The following ZNF608 variants were observed in gnomAD, a reference collection of about 807,000 sequenced individuals.
ZNF608 encodes the protein zinc finger protein 608.
Under a neutral mutation model 109.0 loss-of-function variants are expected in ZNF608, and 12 were observed. The observed-to-expected ratio is 0.11, with a 90% CI of 0.07 to 0.18. The LOEUF is 0.18. Ranked by LOEUF, ZNF608 falls within the 10% of genes least tolerant of loss-of-function variation. The pLI, the probability that ZNF608 is intolerant of heterozygous loss-of-function variation, is 1.00. For synonymous variants in ZNF608, 732 were observed against 717.4 expected (o/e 1.02, Z -0.33); for missense variants, 1,707 against 1,879.3 (o/e 0.91, Z 1.70).
intron 2 of ZNF608, among the ~76,000 whole-genome samples, chr5:124,731,584 G>A (rs1474108018): frequency 6.6e-6 from 1 of 152,004 alleles, no homozygotes; most frequent in African/African-American, 2.4e-5. Flanking sequence ...TCAGCATTTT[G>A]GGAGGCTGAG....
chr5:124,683,642 G>A (rs1752291444), intron 3 of ZNF608, among the ~76,000 whole-genome samples: 1 of 152,122 alleles, frequency 6.6e-6, no homozygotes, highest in South Asian at 2.1e-4. Context: ...TGAAACTACT[G>A]TTCTTTGTTA....
intron 3 of ZNF608, among the ~76,000 whole-genome samples, chr5:124,668,194 A>AT (rs1751559875): frequency 2.4e-5 from 1 of 41,876 alleles, no homozygotes; most frequent in Non-Finnish European, 4.8e-5. Context: ...CTATGCTTAA[A>AT]AATATATATA....
chr5:124,744,849 T>G lies in ZNF608; in HGVS notation c.141A>C (p.Lys47Asn), dbSNP rs755161697. Residue 47 changes from lysine (K) to asparagine (N), a missense_variant, in exon 2 of 10, where the codon AAA (lysine) becomes AAC (asparagine). Coordinates refer to ENST00000513986, the MANE Select transcript of ZNF608 (RefSeq NM_020747.3). This position sits in a 1 kb window ranked among gnomAD's most constrained non-coding sequence, Gnocchi z 4.5. ...TGGTGGTGGAATTATTCATCTCAAA[T>G]TTCTGTCTGTCCTTCTCCAAATCAG... ...LDADLEKDRQ[K>N]FEMNNSTTTT... 1.9e-6 allele frequency: 3 copies of G among 1,614,188 alleles called. No individual in the cohort carries two copies. In the Admixed American group the frequency reaches 5.0e-5, roughly 27 times the overall value.
chr5:124,688,291 G>A (rs1752479260), intron 3 of ZNF608, among the ~76,000 whole-genome samples: 2 of 152,200 alleles, frequency 1.3e-5, no homozygotes, highest in Non-Finnish European at 1.5e-5. Flanking sequence ...CCTCCATTGA[G>A]GCAGAGCCCA....
At chr5:124,721,846 G>C (rs1753917262) in intron 2 of ZNF608, among the ~76,000 whole-genome samples, 1 of 144,664 alleles carries the variant, frequency 6.9e-6, no homozygotes, top group African/African-American at 2.6e-5. Flanking sequence ...GAAGGCTGTA[G>C]CAGGAGAATT....
At chr5:124,653,528 C>G (rs1254787031) in intron 3 of ZNF608, among the ~76,000 whole-genome samples, 1 of 152,216 alleles carries the variant, frequency 6.6e-6, no homozygotes, top group East Asian at 1.9e-4. Context: ...ACAGAAGAGA[C>G]ACAGGCATAC....
rs139743804 is a variant in ZNF608, at chr5:124,701,665, T to C, written c.907-396A>G. ...CTAAAGGAGAAACTCCAGTAAACAC[T>C]AAAAATTTAAGTATAAGAGATGAAA... On this transcript the variant is annotated intron_variant, in intron 2 of 9. Coordinates refer to ENST00000513986, the MANE Select transcript of ZNF608 (RefSeq NM_020747.3). Among the ~76,000 whole-genome samples, 130 of 152,296 alleles carry C rather than the reference T, an allele frequency of 8.5e-4. No individual in the cohort carries two copies. In the East Asian group the frequency reaches 0.023, roughly 27 times the overall value.
chr5:124,647,535 C>A lies in ZNF608; in HGVS notation c.2849G>T (p.Gly950Val). The part of the protein sequence containing the change: ...SDISDAADDG[G>V]SDSRSEGMRS... Reference sequence around the variant, plus strand: ...CATACCCTCCGACCTGCTGTCAGAACCACCATCGTCAGCAGCATCAGATAT... The same window carrying A: ...CATACCCTCCGACCTGCTGTCAGAAACACCATCGTCAGCAGCATCAGATAT... Residue 950 changes from glycine (G) to valine (V), a missense_variant, in exon 5 of 10, where the codon GGT (glycine) becomes GTT (valine). Gly to Val is a moderately radical substitution (Grantham distance 109). Around this residue, in one of 7 missense-constraint regions of ZNF608, gnomAD observed 1,073 missense variants for 1,133.5 expected, o/e 0.95. Transcript: ENST00000513986. The A allele has an allele frequency of 6.2e-7, 1 of 1,614,216 alleles. No individual in the cohort carries two copies. The highest frequency in any genetic ancestry group is 8.5e-7 in the Non-Finnish European group (1 of 1,180,030).
chr5:124,727,493 G>A (rs1748662643), intron 2 of ZNF608, among the ~76,000 whole-genome samples: 1 of 151,902 alleles, frequency 6.6e-6, no homozygotes, highest in South Asian at 2.1e-4. Context: ...AGAAATGAAT[G>A]TATATGTAAA....
chr5:124,722,576 T>TAC (rs10556672), intron 2 of ZNF608, among the ~76,000 whole-genome samples: 4,190 of 145,014 alleles, frequency 0.029, 86 homozygotes, highest in South Asian at 0.073. Flanking sequence ...ACCCTTAAAA[T>TAC]ACACACACAC....
intron 3 of ZNF608, among the ~76,000 whole-genome samples, chr5:124,662,979 CA>C (rs1474248447): frequency 6.6e-6 from 1 of 152,144 alleles, no homozygotes; most frequent in East Asian, 1.9e-4. Context: ...TTTTTCATGG[CA>C]AATATCTGTG....
At chr5:124,703,024 C>T (rs568171502) in intron 2 of ZNF608, among the ~76,000 whole-genome samples, 2 of 151,958 alleles carry the variant, frequency 1.3e-5, no homozygotes, top group Non-Finnish European at 2.9e-5. Context: ...AACTAAAAGA[C>T]TGTCTGAGAT....
upstream of ZNF608, chr5:124,746,803 G>A (rs577294953): frequency 8.1e-6 from 8 of 984,846 alleles, no homozygotes; most frequent in Admixed American, 6.2e-5. Context: ...AGAAAAGGAG[G>A]GGGGGAGTAG....
At chr5:124,736,087 G>C (rs1200344571) in intron 2 of ZNF608, among the ~76,000 whole-genome samples, 1 of 151,462 alleles carries the variant, frequency 6.6e-6, no homozygotes, top group Non-Finnish European at 1.5e-5. Flanking sequence ...TTCTTAACTG[G>C]CTCAAGGGAT....
At chr5:124,740,147 C>A (rs1023758673) in intron 2 of ZNF608, among the ~76,000 whole-genome samples, 1 of 152,078 alleles carries the variant, frequency 6.6e-6, no homozygotes, top group African/African-American at 2.4e-5. Flanking sequence ...ATGCATATTC[C>A]TTCTCTCTCC....
At chr5:124,719,776 T>C (rs996333933) in intron 2 of ZNF608, among the ~76,000 whole-genome samples, 3 of 152,320 alleles carry the variant, frequency 2.0e-5, no homozygotes, top group Non-Finnish European at 2.9e-5. Flanking sequence ...TCTCTTCCTT[T>C]TCCTGGAGAG....
intron 3 of ZNF608, among the ~76,000 whole-genome samples, chr5:124,683,303 C>T (rs1752272427): frequency 1.3e-5 from 2 of 152,168 alleles, no homozygotes; most frequent in South Asian, 4.1e-4. Context: ...ATTCCTGACC[C>T]ATGGAAACTG....
chr5:124,708,762 G>C (rs1157329035), intron 2 of ZNF608: 2 of 456,266 alleles, frequency 4.4e-6, no homozygotes, highest in South Asian at 1.5e-5. Flanking sequence ...CTTAGCAGCT[G>C]ATCTGGTAGG....
At chr5:124,654,255 C>T (rs960714426) in intron 3 of ZNF608, among the ~76,000 whole-genome samples, 2 of 152,016 alleles carry the variant, frequency 1.3e-5, no homozygotes, top group African/African-American at 4.8e-5. Flanking sequence ...CTCCTGGCCT[C>T]AAGCAATCCT....
Sources: allele counts gnomAD v4.1 joint callset (sites outside exome capture counted in the v4.1 genomes callset), GRCh38; gene constraint gnomAD v4.1.1; regional missense constraint gnomAD v4.1.1; non-coding constraint Gnocchi (gnomAD v3.1); transcripts MANE v1.5; gene names NCBI Gene and HGNC (gene_info 2026-07-23, HGNC 2026-07-21).